DDX50: variants seen among roughly 807,000 people sequenced by gnomAD.
DDX50 encodes DExD-box helicase 50.
In DDX50, 56 loss-of-function variants were observed where a neutral mutation model predicts 94.8. The observed-to-expected ratio is 0.59, with a 90% confidence interval of 0.48 to 0.74. The LOEUF (loss-of-function observed/expected upper bound fraction) is 0.74, where lower values mean the gene tolerates loss of function less well. Ranked by LOEUF, DDX50 falls within the 30% of genes least tolerant of loss-of-function variation. The pLI is 0.00. For missense variants in DDX50, 713 were observed against 881.2 expected (o/e 0.81, Z 2.42); for synonymous variants, 264 against 295.4 (o/e 0.89, Z 1.09).
At chr10:68,905,101 A>C (rs1253662213) in intron 1 of DDX50, among the ~76,000 whole-genome samples, 7 of 152,178 alleles carry the variant, frequency 4.6e-5, no homozygotes, top group African/African-American at 1.4e-4. Flanking sequence ...ATTTTTGTAG[A>C]GACGGGGTTT....
chr10:68,941,471 T>C (rs1209768940), intron 13 of DDX50, among the ~76,000 whole-genome samples: 1 of 152,106 alleles, frequency 6.6e-6, no homozygotes, highest in East Asian at 1.9e-4. Flanking sequence ...TTTATTCTCT[T>C]TTTATTTTTT....
chr10:68,929,292 C>CCTTCCTTCCTTCCTTCCTTCCT (rs1554836333), intron 8 of DDX50, among the ~76,000 whole-genome samples: 22 of 122,626 alleles, frequency 1.8e-4, no homozygotes, highest in Non-Finnish European at 3.0e-4. Flanking sequence ...TTCCTTCCTT[C>CCTTCCTTCCTTCCTTCCTTCCT]CTCTCTCTCT....
chr10:68,918,475 G>A (rs1841861442), intron 7 of DDX50, among the ~76,000 whole-genome samples: 1 of 105,200 alleles, frequency 9.5e-6, no homozygotes, highest in Non-Finnish European at 1.7e-5. Flanking sequence ...TAGCTCTGTT[G>A]CCCAGGCTGG....
At chr10:68,935,898 A>G in intron 10 of DDX50, 108 bp from the exon 11 acceptor site, 1 of 778,984 alleles carries the variant, frequency 1.3e-6, no homozygotes, top group Non-Finnish European at 2.0e-6. Flanking sequence ...TAGGGCTATG[A>G]AATCTTTAAA....
chr10:68,937,391 T>C (rs1053217043), intron 12 of DDX50, among the ~76,000 whole-genome samples: 1 of 63,248 alleles, frequency 1.6e-5, no homozygotes, highest in Non-Finnish European at 4.5e-5. Context: ...TAGCTCTAAT[T>C]TGTAATTAAA....
At chr10:68,933,149 A>G (rs1242379733) in intron 8 of DDX50, among the ~76,000 whole-genome samples, 5 of 151,318 alleles carry the variant, frequency 3.3e-5, no homozygotes, top group Admixed American at 2.6e-4. Flanking sequence ...GCTCACTGCA[A>G]CCTCCACCTC....
intron 7 of DDX50, among the ~76,000 whole-genome samples, chr10:68,916,317 G>A (rs1841789697): frequency 7.3e-6 from 1 of 137,906 alleles, no homozygotes; most frequent in Non-Finnish European, 1.5e-5. Context: ...TTGCGCCACT[G>A]CACTCCAGCC....
At chr10:68,926,607 G>A (rs915550799) in intron 8 of DDX50, among the ~76,000 whole-genome samples, 1 of 152,016 alleles carries the variant, frequency 6.6e-6, no homozygotes, top group African/African-American at 2.4e-5. Context: ...AGAAACAAAT[G>A]CCTTCTAAAT....
intron 1 of DDX50, among the ~76,000 whole-genome samples, chr10:68,904,519 A>G (rs1841385381): frequency 6.6e-6 from 1 of 152,232 alleles, no homozygotes; most frequent in South Asian, 2.1e-4. Context: ...TGGAGGAGGA[A>G]GGAGAGGAAC....
intron 7 of DDX50, among the ~76,000 whole-genome samples, chr10:68,915,722 A>G (rs1300947755): frequency 6.6e-6 from 1 of 152,030 alleles, no homozygotes; most frequent in African/African-American, 2.4e-5. Flanking sequence ...CTCAAAAAAA[A>G]AAAAAAGAAA....
At chr10:68,921,903 TG>T (rs1481479500) in intron 8 of DDX50, among the ~76,000 whole-genome samples, 1 of 152,234 alleles carries the variant, frequency 6.6e-6, no homozygotes, top group Non-Finnish European at 1.5e-5. Flanking sequence ...TTTTTCTAAG[TG>T]ATTTCCTTTA....
chr10:68,940,349 A>G (rs1468921008), intron 12 of DDX50, among the ~76,000 whole-genome samples: 1 of 151,402 alleles, frequency 6.6e-6, no homozygotes, highest in African/African-American at 2.4e-5. Flanking sequence ...ACTGCATTCC[A>G]ACCTGGGTGA....
intron 8 of DDX50, among the ~76,000 whole-genome samples, chr10:68,927,614 G>C (rs921758135): frequency 2.6e-5 from 4 of 152,092 alleles, no homozygotes; most frequent in Admixed American, 6.6e-5. Context: ...TTAAGAAGTG[G>C]TATTTCAAGT....
At chr10:68,907,485 T>G (rs967627341) in intron 2 of DDX50, among the ~76,000 whole-genome samples, 4 of 151,814 alleles carry the variant, frequency 2.6e-5, no homozygotes, top group Admixed American at 1.3e-4. Flanking sequence ...CTGGCAAATT[T>G]TTGTATTTTT....
intron 7 of DDX50, among the ~76,000 whole-genome samples, chr10:68,918,760 A>G (rs1841870335): frequency 6.6e-6 from 1 of 151,982 alleles, no homozygotes; most frequent in African/African-American, 2.4e-5. Context: ...GCTGTCAACC[A>G]CTAGTCTGTT....
chr10:68,930,114 CTTTTTTTTTTT>C (rs34023657), intron 8 of DDX50, among the ~76,000 whole-genome samples: 2 of 99,774 alleles, frequency 2.0e-5, no homozygotes, highest in Admixed American at 1.1e-4. Context: ...CTTTCCTTTC[CTTTTTTTTTTT>C]TTTTTTTTTT....
Position 68,913,509 on chromosome 10 carries a change from G to C in DDX50, c.876G>C (p.Val292=). The change falls in exon 6 of 15, where the codon GTG becomes GTC. Residue 292 remains valine (V), a synonymous_variant. Coordinates refer to ENST00000373585, the MANE Select transcript of DDX50 (RefSeq NM_024045.2). ...SKLRHVVLDE[V]DQMLDLGFAE... ...TGCGACATGTTGTGCTTGATGAAGT[G>C]GATCAGATGTTAGATTTAGGTTTCG... The C allele has an allele frequency of 6.2e-7, 1 of 1,613,932 alleles. No individual in the cohort carries two copies. The highest frequency in any genetic ancestry group is 8.5e-7 in the Non-Finnish European group (1 of 1,179,966).
intron 7 of DDX50, among the ~76,000 whole-genome samples, chr10:68,916,378 A>C (rs561855595): frequency 6.6e-6 from 1 of 151,780 alleles, no homozygotes; most frequent in South Asian, 2.1e-4. Context: ...AAGAATAAGA[A>C]AAAAGAAGCT....
At chr10:68,935,694 G>C (rs1423162558) in intron 10 of DDX50, among the ~76,000 whole-genome samples, 1 of 152,042 alleles carries the variant, frequency 6.6e-6, no homozygotes, top group Non-Finnish European at 1.5e-5. Flanking sequence ...AATTAGCTGG[G>C]CATGGTGGTA....
Sources: allele counts gnomAD v4.1 joint callset (sites outside exome capture counted in the v4.1 genomes callset), GRCh38; gene constraint gnomAD v4.1.1; transcripts MANE v1.5; gene names NCBI Gene and HGNC (gene_info 2026-07-23, HGNC 2026-07-21).